The following MBTPS1 variants were observed in gnomAD, a reference collection of about 807,000 sequenced individuals.
The protein encoded by MBTPS1 is membrane-bound transcription factor site-1 protease.
MBTPS1 carries 94 observed loss-of-function variants against 127.8 expected under a neutral mutation model. The ratio of observed to expected loss-of-function variants is 0.74; its 90% CI spans 0.62 to 0.87. The LOEUF (loss-of-function observed/expected upper bound fraction) is 0.87, where lower values mean the gene tolerates loss of function less well. Among genes scored for constraint, MBTPS1 ranks in the 40% least tolerant of loss-of-function variants. The pLI, the probability that MBTPS1 is intolerant of heterozygous loss-of-function variation, is 0.00. For synonymous variants in MBTPS1, 632 were observed against 509.4 expected (o/e 1.24, Z -3.24); for missense variants, 1,636 against 1,353.2 (o/e 1.21, Z -3.28).
chr16:84,114,022 T>C (rs1324934192), intron 1 of MBTPS1, among the ~76,000 whole-genome samples: 1 of 149,132 alleles, frequency 6.7e-6, no homozygotes, highest in African/African-American at 2.5e-5. Flanking sequence ...TGGAGTGCAA[T>C]GGCGCGATCT....
intron 1 of MBTPS1, among the ~76,000 whole-genome samples, chr16:84,116,323 C>T (rs896221568): frequency 6.6e-6 from 1 of 152,178 alleles, no homozygotes; most frequent in Non-Finnish European, 1.5e-5. Context: ...AACAGAATCC[C>T]CGCATTTCCA....
intron 14 of MBTPS1, 103 bp downstream of exon 14, chr16:84,069,763 C>G: frequency 8.9e-7 from 1 of 1,118,272 alleles, no homozygotes; most frequent in Non-Finnish European, 1.3e-6. Context: ...AGTCCAGGCT[C>G]CACGAGAAGC....
chr16:84,094,663 T>C (rs1355976164), intron 4 of MBTPS1, among the ~76,000 whole-genome samples: 5 of 152,302 alleles, frequency 3.3e-5, no homozygotes, highest in South Asian at 4.1e-4. Flanking sequence ...AATGCTACTT[T>C]TAAAAAATGC....
At chr16:84,093,496 G>C (rs1438436364) in intron 5 of MBTPS1, among the ~76,000 whole-genome samples, 199 bp from the exon 6 acceptor site, 1 of 152,094 alleles carries the variant, frequency 6.6e-6, no homozygotes, top group African/African-American at 2.4e-5. Flanking sequence ...CGCTCTCCGG[G>C]ACAGGGAGCT....
In MBTPS1 at chr16:84,085,152, T is replaced by G. The variant is rs1347608743; in HGVS notation, c.1135-18A>C. On this transcript the variant is annotated intron_variant, in intron 9 of 22. Coordinates refer to ENST00000343411, the MANE Select transcript of MBTPS1 (RefSeq NM_003791.4). ...GGTAGCTCCTATGAATAAAAGCAGC[T>G]TGGTTGCTACATCTCGCACATTGGC... The G allele has an allele frequency of 3.7e-5, 60 of 1,613,166 alleles. 1 individual carries two copies. The highest frequency in any genetic ancestry group is 4.9e-5 in the Non-Finnish European group (58 of 1,179,544).
chr16:84,067,916 G>GT, intron 15 of MBTPS1, 93 bp from the exon 16 acceptor site: 1 of 1,237,296 alleles, frequency 8.1e-7, no homozygotes, highest in Non-Finnish European at 1.1e-6. Flanking sequence ...CATGTCTCAG[G>GT]TTACTGACAC....
intron 1 of MBTPS1, among the ~76,000 whole-genome samples, chr16:84,102,340 A>G (rs1197107033): frequency 6.6e-6 from 1 of 152,222 alleles, no homozygotes; most frequent in Non-Finnish European, 1.5e-5. Flanking sequence ...AATAAAATAA[A>G]TAAGAGGGTA....
chr16:84,061,852 A>T (rs2085618950), intron 19 of MBTPS1, among the ~76,000 whole-genome samples: 1 of 152,172 alleles, frequency 6.6e-6, no homozygotes, highest in Non-Finnish European at 1.5e-5. Context: ...AGTTCCATTA[A>T]CATCAACCTG....
At position 84,070,611 on chromosome 16, in the gene MBTPS1, C is replaced by A; in HGVS notation, c.1759G>T (p.Val587Leu). The A allele has an allele frequency of 6.2e-7, 1 of 1,612,684 alleles. No individual in the cohort carries two copies. The highest frequency in any genetic ancestry group is 8.5e-7 in the Non-Finnish European group (1 of 1,179,808). ...ACCTCTGTCTCTGCTGGGGAAGCCA[C>A]AGTGATCATGACATGGCCCTGAGCA... ...GIAQGHVMIT[V>L]ASPAETESKN... is the part of the protein sequence containing the mutation. Residue 587 changes from valine to leucine, a missense_variant, in exon 13 of 23, where the codon GTG becomes TTG. Transcript: ENST00000343411.
chr16:84,113,620 AT>A (rs2086428815), intron 1 of MBTPS1, among the ~76,000 whole-genome samples: 1 of 152,238 alleles, frequency 6.6e-6, no homozygotes, highest in Non-Finnish European at 1.5e-5. Context: ...TATCACAAAG[AT>A]TATAATTCTG....
At chr16:84,067,242 A>C (rs1245948248) in intron 16 of MBTPS1, among the ~76,000 whole-genome samples, 2 of 152,228 alleles carry the variant, frequency 1.3e-5, no homozygotes, top group Non-Finnish European at 2.9e-5. Flanking sequence ...ATTAACAAGG[A>C]AAGACAATGA....
In MBTPS1 at chr16:84,084,391, T is replaced by C. The variant is rs2085987544; in HGVS notation, c.1286+592A>G. Among the ~76,000 whole-genome samples, 4 of 152,174 alleles carry C rather than the reference T, an allele frequency of 2.6e-5. No individual in the cohort carries two copies. In the South Asian group the frequency reaches 6.2e-4, roughly 24 times the overall value. On this transcript the variant is annotated intron_variant, in intron 10 of 22. Transcript: ENST00000343411. Reference sequence around the variant, plus strand: ...CAGTCCCTGGTGGCTCTGACATCCTTTGCTATAGAGAACATTAAAAGGTGA... The same window carrying C: ...CAGTCCCTGGTGGCTCTGACATCCTCTGCTATAGAGAACATTAAAAGGTGA...
At chr16:84,077,786 TA>T (rs1430437931) in intron 11 of MBTPS1, among the ~76,000 whole-genome samples, 1 of 152,094 alleles carries the variant, frequency 6.6e-6, no homozygotes, top group African/African-American at 2.4e-5. Flanking sequence ...CACCTTACAC[TA>T]AGTCAAAAGA....
chr16:84,073,583 G>A (rs2085805090), intron 12 of MBTPS1, among the ~76,000 whole-genome samples: 1 of 152,138 alleles, frequency 6.6e-6, no homozygotes, highest in Admixed American at 6.5e-5. Flanking sequence ...GTATGCTGAG[G>A]CTGGAAGCGA....
rs182715202 is a variant in MBTPS1 at position 84,073,161 on chromosome 16, G to A, written c.1593+1436C>T. On this transcript the variant is annotated intron_variant, in intron 12 of 22. Transcript: ENST00000343411. ...ATTTTTCTTTTCTTTTTGAGATGGA[G>A]TGTTGCTCTGTCACCAGGTTGGAGT... Among the ~76,000 whole-genome samples, 56 of 152,312 alleles carry A rather than the reference G, an allele frequency of 3.7e-4. 1 individual carries two copies. Among genetic ancestry groups the A allele is most frequent in the Non-Finnish European group, 6.2e-4 (42 of 68,030 alleles).
chr16:84,115,364 C>T (rs746187263), intron 1 of MBTPS1, among the ~76,000 whole-genome samples: 1 of 152,166 alleles, frequency 6.6e-6, no homozygotes, highest in African/African-American at 2.4e-5. Context: ...ATACGGGGTG[C>T]CTGGGGAGTG....
chr16:84,093,687 G>T (rs752842991), intron 5 of MBTPS1, 24 bp downstream of exon 5: 7 of 1,499,620 alleles, frequency 4.7e-6, no homozygotes, highest in East Asian at 2.3e-5. Context: ...ACATGACCAC[G>T]TTCTCACTGC....
At chr16:84,056,308 T>C (rs898255018) in intron 21 of MBTPS1, 173 bp from the exon 22 acceptor site, 1 of 563,136 alleles carries the variant, frequency 1.8e-6, no homozygotes, top group East Asian at 2.9e-5. Flanking sequence ...ATGGTGGCCG[T>C]TTCCACGTCC....
chr16:84,062,602 A>G (rs1430203137), intron 19 of MBTPS1, among the ~76,000 whole-genome samples: 3 of 152,196 alleles, frequency 2.0e-5, no homozygotes, highest in Non-Finnish European at 2.9e-5. Context: ...ACAGCGCATT[A>G]GAAGGTTGCC....
Sources: gnomAD v4.1 joint callset for allele counts (sites outside exome capture counted in the v4.1 genomes callset) on GRCh38, gnomAD v4.1.1 for gene constraint, MANE v1.5 for transcripts, NCBI Gene and HGNC (gene_info 2026-07-23, HGNC 2026-07-21) for gene names.